The following SH3D19 variants were observed in gnomAD, a reference collection of about 807,000 sequenced individuals.
SH3D19 encodes SH3 domain-containing protein 19.
Under a neutral mutation model 112.1 loss-of-function variants are expected in SH3D19, and 58 were observed. That is an observed-to-expected ratio of 0.52 (90% CI 0.42 to 0.64). The LOEUF (loss-of-function observed/expected upper bound fraction) is 0.64, where lower values mean the gene tolerates loss of function less well. SH3D19 is among the 30% of genes least tolerant of loss of function. The probability of loss-of-function intolerance (pLI) is 0.00; values close to 1 mark genes in which losing one functional copy is unlikely to be tolerated. For synonymous variants in SH3D19, 391 were observed against 448.5 expected (o/e 0.87, Z 1.62); for missense variants, 1,090 against 1,263.4 (o/e 0.86, Z 2.08).
chr4:151,308,045 A>T (rs1729092022), intron 1 of SH3D19, among the ~76,000 whole-genome samples: 1 of 152,164 alleles, frequency 6.6e-6, no homozygotes, highest in Admixed American at 6.5e-5. Context: ...AGCTGGGATT[A>T]CAGGCACGGG....
chr4:151,299,013 T>C (rs1728071762), intron 1 of SH3D19, among the ~76,000 whole-genome samples: 1 of 152,232 alleles, frequency 6.6e-6, no homozygotes, highest in Admixed American at 6.5e-5. Context: ...TTTCTTCTCA[T>C]ACTTAAGGAT....
intron 18 of SH3D19, 45 bp downstream of exon 18, chr4:151,128,125 A>G (rs1293129024): frequency 6.7e-7 from 1 of 1,494,692 alleles, no homozygotes; most frequent in Admixed American, 2.2e-5. Flanking sequence ...TGAAGGTTTC[A>G]GGCTCCCCGT....
chr4:151,191,120 T>C (rs558811449), intron 2 of SH3D19, among the ~76,000 whole-genome samples: 3 of 152,216 alleles, frequency 2.0e-5, no homozygotes, highest in Non-Finnish European at 2.9e-5. Flanking sequence ...ATGGGGACTG[T>C]AGCCCCTTTG....
At chr4:151,168,464 C>G (rs1758493170) in intron 7 of SH3D19, among the ~76,000 whole-genome samples, 1 of 151,310 alleles carries the variant, frequency 6.6e-6, no homozygotes, top group African/African-American at 2.4e-5. Context: ...CGGTGTCACT[C>G]TGTCATTCCA....
At chr4:151,295,926 C>G (rs1775674163) in intron 1 of SH3D19, among the ~76,000 whole-genome samples, 1 of 151,828 alleles carries the variant, frequency 6.6e-6, no homozygotes, top group Non-Finnish European at 1.5e-5. Flanking sequence ...GTCCCAGCTA[C>G]TCAGGAGGCT....
At position 151,175,682 on chromosome 4, in the gene SH3D19, GACCAAAACAAA is replaced by G; in HGVS notation, c.530-19_530-9del. On this transcript the variant is annotated splice_polypyrimidine_tract_variant and intron_variant, in intron 6 of 19. Coordinates refer to ENST00000604030, the MANE Select transcript of SH3D19 (RefSeq NM_001378122.1). Reference sequence around the variant, plus strand: ...TGAGAGGTGCCTGTAGTGCTGACGAGACCAAAACAAAACCAAAACAAATAAAAACAAGCCAT... The same window carrying G: ...TGAGAGGTGCCTGTAGTGCTGACGAGACCAAAACAAATAAAAACAAGCCAT... The G allele has an allele frequency of 1.6e-6, 2 of 1,242,694 alleles. No homozygotes were observed. Among genetic ancestry groups the G allele is most frequent in the South Asian group, 3.9e-5 (1 of 25,392 alleles). 77.0% of individuals were successfully genotyped at this position (1,242,694 alleles called of 1,614,324 possible). A position where few individuals can be genotyped will look rare whatever the true frequency, so the allele number is the denominator to read the frequency against.
chr4:151,220,547 C>G (rs550727793), intron 2 of SH3D19, among the ~76,000 whole-genome samples: 14 of 152,250 alleles, frequency 9.2e-5, no homozygotes, highest in Non-Finnish European at 1.8e-4. Flanking sequence ...AAAAAGAGCT[C>G]TTAATTTTCT....
chr4:151,282,369 C>T lies in SH3D19; in HGVS notation c.112+42872G>A. On this transcript the variant is annotated intron_variant, in intron 1 of 19. Transcript: ENST00000604030. ...GTCACAAAGCAGTTGGCAATTCCAC[C>T]CTTTTGTTGGGTGACCGGATGGGGA... 4 of 1,613,894 alleles carry T rather than the reference C, an allele frequency of 2.5e-6. No individual in the cohort carries two copies. In the South Asian group the frequency reaches 4.4e-5, roughly 18 times the overall value.
chr4:151,301,888 C>A (rs1728461196), intron 1 of SH3D19, among the ~76,000 whole-genome samples: 1 of 152,126 alleles, frequency 6.6e-6, no homozygotes, highest in Admixed American at 6.5e-5. Flanking sequence ...GCTCCCTGGG[C>A]TAATTTCTAG....
intron 11 of SH3D19, among the ~76,000 whole-genome samples, chr4:151,146,737 T>C (rs576456056): frequency 6.6e-6 from 1 of 152,148 alleles, no homozygotes; most frequent in Admixed American, 6.5e-5. Flanking sequence ...TTTCACCACG[T>C]TGGCCTGGCT....
chr4:151,208,877 C>T (rs936745541), intron 2 of SH3D19, among the ~76,000 whole-genome samples: 15 of 150,114 alleles, frequency 1.0e-4, no homozygotes, highest in Admixed American at 2.0e-4. Flanking sequence ...CGGGGTTTCA[C>T]CGTGTTAGCC....
At chr4:151,259,102 C>G (rs1412120219) in intron 1 of SH3D19, among the ~76,000 whole-genome samples, 5 of 152,110 alleles carry the variant, frequency 3.3e-5, no homozygotes, top group Non-Finnish European at 7.3e-5. Context: ...ATGCTATAAT[C>G]ATCCCACTGT....
chr4:151,241,111 G>A (rs1308213606), intron 1 of SH3D19, among the ~76,000 whole-genome samples: 2 of 90,224 alleles, frequency 2.2e-5, no homozygotes, highest in African/African-American at 6.4e-5. Flanking sequence ...GTGGTGAAAC[G>A]TGATCTCTAC....
intron 1 of SH3D19, among the ~76,000 whole-genome samples, chr4:151,293,521 A>G (rs78968521): frequency 0.031 from 4,733 of 152,158 alleles, 118 homozygotes; most frequent in East Asian, 0.11. Flanking sequence ...AATTCTTGCT[A>G]ACCCTTATTA....
intron 11 of SH3D19, among the ~76,000 whole-genome samples, chr4:151,144,611 A>C (rs1237858363): frequency 1.3e-5 from 2 of 152,214 alleles, no homozygotes; most frequent in Non-Finnish European, 2.9e-5. Flanking sequence ...AACACCCAGC[A>C]CTTGACCTCA....
rs555518538 is a variant in SH3D19, at chr4:151,164,639, G to A, written c.1642+950C>T. Among the ~76,000 whole-genome samples, 4 of 151,682 alleles carry A rather than the reference G, an allele frequency of 2.6e-5. No individual in the cohort carries two copies. The East Asian group carries it at 7.8e-4, about 29-fold the overall frequency. ...CTGTCACCCAGGCTGTAATGCAGTG[G>A]CACGATCTCGGCTCACTGCAAGCTC... On this transcript the variant is annotated intron_variant, in intron 8 of 19. Coordinates refer to ENST00000604030, the MANE Select transcript of SH3D19 (RefSeq NM_001378122.1).
intron 2 of SH3D19, among the ~76,000 whole-genome samples, chr4:151,220,276 A>G (rs1349124303): frequency 6.6e-6 from 1 of 152,174 alleles, no homozygotes; most frequent in East Asian, 1.9e-4. Flanking sequence ...TCTTACTTCT[A>G]TGATTTTTAA....
chr4:151,274,210 G>A lies in SH3D19; in HGVS notation c.113-48124C>T, dbSNP rs1202825020. On this transcript the variant is annotated intron_variant, in intron 1 of 19. Coordinates refer to ENST00000604030, the MANE Select transcript of SH3D19 (RefSeq NM_001378122.1). Reference sequence around the variant, plus strand: ...AAATTTGGTAAAAATTCATGGTGTTGCAGTGTTTGCTTAAAAAAGCAAATG... The same window carrying A: ...AAATTTGGTAAAAATTCATGGTGTTACAGTGTTTGCTTAAAAAAGCAAATG... 2.0e-5 allele frequency among the ~76,000 whole-genome samples: 3 copies of A among 152,324 alleles called. No individual in the cohort carries two copies. The East Asian group carries it at 5.8e-4, about 29-fold the overall frequency.
At chr4:151,271,621 T>G (rs531637709) in intron 1 of SH3D19, among the ~76,000 whole-genome samples, 1 of 152,290 alleles carries the variant, frequency 6.6e-6, no homozygotes, top group South Asian at 2.1e-4. Flanking sequence ...GCCCAAAATG[T>G]CAATAGTGCC....
Sources: gnomAD v4.1 joint callset for allele counts (sites outside exome capture counted in the v4.1 genomes callset) on GRCh38, gnomAD v4.1.1 for gene constraint, MANE v1.5 for transcripts, NCBI Gene and HGNC (gene_info 2026-07-23, HGNC 2026-07-21) for gene names.